The following PCDHGA6 variants were observed in gnomAD, a reference collection of about 807,000 sequenced individuals.
PCDHGA6 encodes the protein protocadherin gamma subfamily A, 6.
PCDHGA6 carries 41 observed loss-of-function variants against 60.6 expected under a neutral mutation model. The ratio of observed to expected loss-of-function variants is 0.68; its 90% CI spans 0.53 to 0.88. The LOEUF is 0.88. Ranked by LOEUF, PCDHGA6 falls within the 40% of genes least tolerant of loss-of-function variation. The probability of loss-of-function intolerance (pLI) is 0.00; values close to 1 mark genes in which losing one functional copy is unlikely to be tolerated. For synonymous variants in PCDHGA6, 594 were observed against 524.4 expected (o/e 1.13, Z -1.81); for missense variants, 1,312 against 1,203.0 (o/e 1.09, Z -1.34).
At chr5:141,419,452 G>T (rs1590172506) in intron 1 of PCDHGA6, 1 of 1,612,754 alleles carries the variant, frequency 6.2e-7, no homozygotes, top group Non-Finnish European at 8.5e-7. Flanking sequence ...TCGAGCTCAC[G>T]CTGCAGGCCC....
At position 141,490,551 on chromosome 5, in the gene PCDHGA6, T is replaced by C; in HGVS notation, c.2425-4256T>C. On this transcript the variant is annotated intron_variant, in intron 1 of 3. Coordinates refer to ENST00000517434, the MANE Select transcript of PCDHGA6 (RefSeq NM_018919.3). The surrounding 1 kb of genome is among the most constrained non-coding windows in gnomAD (Gnocchi z 5.4). ...CTGGTTCACCTTCCCTACACAAACA[T>C]CTCACCATCAGGCTCAACATTTCAG... 1 of 1,614,088 alleles carries C rather than the reference T, an allele frequency of 6.2e-7. No individual in the cohort carries two copies. The highest frequency in any genetic ancestry group is 1.1e-5 in the South Asian group (1 of 91,086).
chr5:141,382,978 T>C, intron 1 of PCDHGA6: 1 of 1,610,702 alleles, frequency 6.2e-7, no homozygotes, highest in Non-Finnish European at 8.5e-7. Context: ...CTGGGAAGCC[T>C]GGGCAGGACG....
At position 141,374,760 on chromosome 5, in the gene PCDHGA6, C is replaced by T. The variant is rs1255992375; in HGVS notation, c.677C>T (p.Ala226Val). 1 of 1,613,440 alleles carries T rather than the reference C, an allele frequency of 6.2e-7. No homozygotes were observed. The highest frequency in any genetic ancestry group is 1.1e-5 in the South Asian group (1 of 90,982). The change falls in exon 1 of 4, where the codon GCC (alanine) becomes GTC (valine). Residue 226 changes from alanine (A) to valine (V), a missense_variant. Ala to Val is a moderately conservative substitution (Grantham distance 64). Transcript: ENST00000517434. Reference protein sequence around the residue: ...DGGDPVRSSVAQILVTVLDVN... With the variant: ...DGGDPVRSSVVQILVTVLDVN... ...GGCGACCCTGTCCGCTCAAGCGTCG[C>T]CCAAATTCTGGTAACAGTTCTAGAT...
chr5:141,405,401 TC>T (rs1176566209), intron 1 of PCDHGA6: 1 of 1,591,534 alleles, frequency 6.3e-7, no homozygotes, highest in Non-Finnish European at 8.6e-7. Flanking sequence ...TTTCTTTCTT[TC>T]TTTTCTTTTT....
Position 141,432,826 on chromosome 5 carries a change from CACTCTGTACCT to C in PCDHGA6, c.2424+56320_2424+56330del, listed in dbSNP as rs1251102522. 6.2e-7 allele frequency: 1 copy of C among 1,614,096 alleles called. No homozygotes were observed. Among genetic ancestry groups the C allele is most frequent in the Non-Finnish European group, 8.5e-7 (1 of 1,180,020 alleles). On this transcript the variant is annotated intron_variant, in intron 1 of 3. Coordinates refer to ENST00000517434, the MANE Select transcript of PCDHGA6 (RefSeq NM_018919.3). This position sits in a 1 kb window ranked among gnomAD's most constrained non-coding sequence, Gnocchi z 6.0. Reference sequence around the variant, plus strand: ...CAGCTAACTCTGAAACCTCAGACCTCACTCTGTACCTGGTGGTAGCGGTGGCCGCGGTCTCC... The same window carrying C: ...CAGCTAACTCTGAAACCTCAGACCTCGGTGGTAGCGGTGGCCGCGGTCTCC...
Position 141,374,252 on chromosome 5 carries a change from CAGG to C in PCDHGA6, c.172_174del (p.Glu58del). ...CGTCAAGGATCTGGGACTGGAGCCC[CAGG>C]AGTTGGCGGAGCACGGAGTCCGCAT... On this transcript the variant is annotated inframe_deletion, in exon 1 of 4. Coordinates refer to ENST00000517434, the MANE Select transcript of PCDHGA6 (RefSeq NM_018919.3). 1 of 1,613,982 alleles carries C rather than the reference CAGG, an allele frequency of 6.2e-7. No homozygotes were observed. The highest frequency in any genetic ancestry group is 1.1e-5 in the South Asian group (1 of 91,090).
At chr5:141,388,831 T>A (rs1300455758) in intron 1 of PCDHGA6, 1 of 1,613,964 alleles carries the variant, frequency 6.2e-7, no homozygotes, top group Non-Finnish European at 8.5e-7. Flanking sequence ...TATTCCATAG[T>A]TTTGGAAGCA....
intron 1 of PCDHGA6, among the ~76,000 whole-genome samples, chr5:141,462,798 C>A (rs1458659959): frequency 6.6e-6 from 1 of 152,072 alleles, no homozygotes; most frequent in Non-Finnish European, 1.5e-5. Flanking sequence ...ATTTGCATGT[C>A]TAATAATGTT....
At position 141,493,726 on chromosome 5, in the gene PCDHGA6, G is replaced by C. The variant is rs1032021616; in HGVS notation, c.2425-1081G>C. ...CTGGAATGCTAGGTTTCTGGGTTCT[G>C]CTCATATCACTGCCACCTGTGAGCC... On this transcript the variant is annotated intron_variant, in intron 1 of 3. Coordinates refer to ENST00000517434, the MANE Select transcript of PCDHGA6 (RefSeq NM_018919.3). This position sits in a 1 kb window ranked among gnomAD's most constrained non-coding sequence, Gnocchi z 4.3. Among the ~76,000 whole-genome samples, 2 of 152,154 alleles carry C rather than the reference G, an allele frequency of 1.3e-5. No individual in the cohort carries two copies. Among genetic ancestry groups the C allele is most frequent in the African/African-American group, 4.8e-5 (2 of 41,438 alleles).
At position 141,433,030 on chromosome 5, in the gene PCDHGA6, T is replaced by C. The variant is rs116611363; in HGVS notation, c.2424+56523T>C. ...TCCTGCAGACCTATTCCCACGAGGTTTCCCTCACCACGGACTCGCGGAAGA... is the reference window on the plus strand; with the variant it reads ...TCCTGCAGACCTATTCCCACGAGGTCTCCCTCACCACGGACTCGCGGAAGA... On this transcript the variant is annotated intron_variant, in intron 1 of 3. Transcript: ENST00000517434. 10,352 of 1,614,096 alleles carry C rather than the reference T, an allele frequency of 6.4e-3. 43 individuals are homozygous for C. The highest frequency in any genetic ancestry group is 8.6e-3 in the Middle Eastern group (52 of 6,062).
intron 1 of PCDHGA6, chr5:141,411,549 A>G (rs1169343676): frequency 6.6e-6 from 1 of 152,210 alleles, no homozygotes; most frequent in African/African-American, 2.4e-5. Flanking sequence ...TTGCCACTGC[A>G]CTCCAGCCTG....
At chr5:141,414,046 A>G (rs780040293) in intron 1 of PCDHGA6, 1 of 1,611,254 alleles carries the variant, frequency 6.2e-7, no homozygotes, top group Non-Finnish European at 8.5e-7. Context: ...ATTACCTGAC[A>G]CGCAATTGTT....
rs374042624 is a variant in PCDHGA6, at chr5:141,394,490, G to A, written c.2424+17983G>A. The A allele has an allele frequency of 3.7e-6, 6 of 1,614,058 alleles. No individual in the cohort carries two copies. In the Admixed American group the frequency reaches 5.0e-5, roughly 13 times the overall value. ...TCGTGCTGGACCAGAATGACAACGCGCCCGAGATCCTGTACCCCGCCCTCC... is the reference window on the plus strand; with the variant it reads ...TCGTGCTGGACCAGAATGACAACGCACCCGAGATCCTGTACCCCGCCCTCC... On this transcript the variant is annotated intron_variant, in intron 1 of 3. Transcript: ENST00000517434.
rs376515666 is a variant in PCDHGA6, at chr5:141,394,832, C to T, written c.2424+18325C>T. On this transcript the variant is annotated intron_variant, in intron 1 of 3. Coordinates refer to ENST00000517434, the MANE Select transcript of PCDHGA6 (RefSeq NM_018919.3). The stretch of plus-strand genomic sequence containing the variant: ...CTGACAGCATCCCCGAAGTCCTGAC[C>T]GAGTTGGGCAGTCTGAAGCCTTCGG... The T allele has an allele frequency of 1.5e-5, 24 of 1,613,710 alleles. No individual in the cohort carries two copies. In the East Asian group the frequency reaches 3.3e-4, roughly 22 times the overall value.
Position 141,419,438 on chromosome 5 carries a change from A to G in PCDHGA6, c.2424+42931A>G, listed in dbSNP as rs764801455. On this transcript the variant is annotated intron_variant, in intron 1 of 3. Coordinates refer to ENST00000517434, the MANE Select transcript of PCDHGA6 (RefSeq NM_018919.3). ...CGCCTTCGACCACGAGCAGCTGCGC[A>G]CCTTCGAGCTCACGCTGCAGGCCCG... 8 of 1,613,138 alleles carry G rather than the reference A, an allele frequency of 5.0e-6. No homozygotes were observed. The highest frequency in any genetic ancestry group is 4.4e-5 in the South Asian group (4 of 91,044).
chr5:141,434,861 T>C (rs1157640770), intron 1 of PCDHGA6, among the ~76,000 whole-genome samples: 1 of 151,998 alleles, frequency 6.6e-6, no homozygotes, highest in Non-Finnish European at 1.5e-5. Context: ...TAAATTTATA[T>C]ATATGTGACA....
In PCDHGA6 at chr5:141,476,715, G is replaced by A. The variant is rs199871912; in HGVS notation, c.2425-18092G>A. 12 of 1,614,168 alleles carry A rather than the reference G, an allele frequency of 7.4e-6. No individual in the cohort carries two copies. The highest frequency in any genetic ancestry group is 1.7e-5 in the Admixed American group (1 of 60,032). On this transcript the variant is annotated intron_variant, in intron 1 of 3. Coordinates refer to ENST00000517434, the MANE Select transcript of PCDHGA6 (RefSeq NM_018919.3). The surrounding 1 kb of genome is among the most constrained non-coding windows in gnomAD (Gnocchi z 7.6). ...AAGTACGCGGAGCTGGTGTTGGAGC[G>A]CGCCCTGGACCGAGAACGGGAGCCT...
intron 1 of PCDHGA6, chr5:141,399,954 G>A (rs1327007587): frequency 3.7e-6 from 6 of 1,612,110 alleles, no homozygotes; most frequent in Non-Finnish European, 4.2e-6. Context: ...AGGCTAGCGA[G>A]CCCGGGCTCT....
Position 141,487,503 on chromosome 5 carries a change from C to T in PCDHGA6, c.2425-7304C>T. On this transcript the variant is annotated intron_variant, in intron 1 of 3. Transcript: ENST00000517434. The surrounding 1 kb of genome is among the most constrained non-coding windows in gnomAD (Gnocchi z 5.0). The stretch of plus-strand genomic sequence containing the variant: ...TCTCATGGCTGTACACCCTTGGCTT[C>T]TGCACCCACTCGGAGTGATAGCTTC... 1 of 1,614,220 alleles carries T rather than the reference C, an allele frequency of 6.2e-7. No homozygotes were observed. Among genetic ancestry groups the T allele is most frequent in the Non-Finnish European group, 8.5e-7 (1 of 1,180,042 alleles).
Sources: gnomAD v4.1 joint callset for allele counts (sites outside exome capture counted in the v4.1 genomes callset) on GRCh38, gnomAD v4.1.1 for gene constraint, Gnocchi (gnomAD v3.1) non-coding constraint, MANE v1.5 for transcripts, NCBI Gene and HGNC (gene_info 2026-07-23, HGNC 2026-07-21) for gene names.